CDH18: variants seen among roughly 807,000 people sequenced by gnomAD.
CDH18 encodes cadherin-18.
In CDH18, 31 loss-of-function variants were observed where a neutral mutation model predicts 67.9. That is an observed-to-expected ratio of 0.46 (90% CI 0.34 to 0.62). The LOEUF (loss-of-function observed/expected upper bound fraction) is 0.62. CDH18 is among the 20% of genes least tolerant of loss of function. The pLI, the probability that CDH18 is intolerant of heterozygous loss-of-function variation, is 0.01. For synonymous variants in CDH18, 362 were observed against 347.2 expected (o/e 1.04, Z -0.48); for missense variants, 890 against 975.5 (o/e 0.91, Z 1.17).
intron 2 of CDH18, among the ~76,000 whole-genome samples, chr5:19,927,627 A>T (rs1205336471): frequency 1.3e-5 from 2 of 152,170 alleles, no homozygotes; most frequent in Non-Finnish European, 2.9e-5. Flanking sequence ...TAGCAAAATG[A>T]TATTTTTATG....
chr5:20,506,410 G>A (rs528934802), intron 1 of CDH18, among the ~76,000 whole-genome samples: 1 of 152,302 alleles, frequency 6.6e-6, no homozygotes, highest in Non-Finnish European at 1.5e-5. Flanking sequence ...GATTACAATA[G>A]GGAACCTCAA....
At chr5:20,000,819 G>C (rs13175693) in intron 2 of CDH18, among the ~76,000 whole-genome samples, 117 of 152,046 alleles carry the variant, frequency 7.7e-4, no homozygotes, top group Non-Finnish European at 1.3e-3. Flanking sequence ...AAATAGAGGA[G>C]AGAAAAGAAG....
chr5:20,386,468 T>C (rs1744317008), intron 1 of CDH18, among the ~76,000 whole-genome samples: 2 of 152,144 alleles, frequency 1.3e-5, no homozygotes, highest in African/African-American at 2.4e-5. Context: ...TATCTTGCAA[T>C]TGGCTTACAA....
At chr5:20,088,582 T>C (rs575916525) in intron 2 of CDH18, among the ~76,000 whole-genome samples, 1 of 152,170 alleles carries the variant, frequency 6.6e-6, no homozygotes, top group Non-Finnish European at 1.5e-5. Flanking sequence ...ATGGCCAGCA[T>C]ATGGCAGACT....
chr5:20,304,117 C>T (rs1310724012), intron 1 of CDH18: 1 of 1,608,756 alleles, frequency 6.2e-7, no homozygotes, highest in Non-Finnish European at 8.5e-7. Flanking sequence ...CCCGAATCAA[C>T]ATGGTGACTG....
rs373088239 is a variant in CDH18 at position 19,856,771 on chromosome 5, G to T, written c.-256-17529C>A. On this transcript the variant is annotated intron_variant, in intron 2 of 12. Transcript: ENST00000382275. ...CGGGAGAAAACTTCTTCGGGACCTTGATCTTGGACTTCCAGCTTCAAGCAC... is the reference window on the plus strand; with the variant it reads ...CGGGAGAAAACTTCTTCGGGACCTTTATCTTGGACTTCCAGCTTCAAGCAC... 8.5e-5 allele frequency among the ~76,000 whole-genome samples: 13 copies of T among 152,052 alleles called. No individual in the cohort carries two copies. In the East Asian group the frequency reaches 2.1e-3, roughly 25 times the overall value.
At chr5:19,515,345 A>G (rs1018332285) in intron 10 of CDH18, among the ~76,000 whole-genome samples, 2 of 152,192 alleles carry the variant, frequency 1.3e-5, no homozygotes, top group African/African-American at 4.8e-5. Flanking sequence ...TTTTGGTTCC[A>G]TATGAAATTT....
At chr5:20,175,413 T>C (rs1037835244) in intron 2 of CDH18, among the ~76,000 whole-genome samples, 3 of 152,156 alleles carry the variant, frequency 2.0e-5, no homozygotes, top group Non-Finnish European at 2.9e-5. Context: ...TACTGTTACC[T>C]TTCCTTCTAT....
In CDH18 at chr5:20,382,717, G is replaced by A. The variant is rs137870566; in HGVS notation, c.-579-127212C>T. 5.5e-3 allele frequency among the ~76,000 whole-genome samples: 831 copies of A among 152,198 alleles called. 5 individuals are homozygous for A. Among genetic ancestry groups the A allele is most frequent in the South Asian group, 0.027 (128 of 4,824 alleles). On this transcript the variant is annotated intron_variant, in intron 1 of 14. Transcript: ENST00000507958. ...GTGATGTCCCTGAATATTACAAAGA[G>A]GAAGCAATATAAACAGCCACTTCAA...
At chr5:19,773,569 A>G (rs1446307240) in intron 3 of CDH18, among the ~76,000 whole-genome samples, 1 of 152,180 alleles carries the variant, frequency 6.6e-6, no homozygotes. Context: ...ATTTTAGGAC[A>G]TAAGGAAGTA....
chr5:20,313,540 G>C (rs1162064783), intron 1 of CDH18, among the ~76,000 whole-genome samples: 13 of 152,040 alleles, frequency 8.6e-5, no homozygotes, highest in African/African-American at 3.1e-4. Context: ...TTGAAGATTA[G>C]ATTTGTGCTG....
At chr5:19,967,102 A>T (rs1395603773) in intron 2 of CDH18, among the ~76,000 whole-genome samples, 1 of 152,008 alleles carries the variant, frequency 6.6e-6, no homozygotes, top group Non-Finnish European at 1.5e-5. Flanking sequence ...AAAGAAAAAA[A>T]TGTAAAAAAA....
intron 6 of CDH18, among the ~76,000 whole-genome samples, chr5:19,597,320 T>C (rs983524517): frequency 6.6e-6 from 1 of 152,248 alleles, no homozygotes; most frequent in African/African-American, 2.4e-5. Context: ...GCTAGATTCC[T>C]GACCTACAGA....
intron 9 of CDH18, among the ~76,000 whole-genome samples, chr5:19,528,094 A>C (rs772912479): frequency 6.6e-6 from 1 of 151,834 alleles, no homozygotes; most frequent in Non-Finnish European, 1.5e-5. Flanking sequence ...TATGTATTCT[A>C]TTCTTGTGAA....
At chr5:19,680,955 A>G (rs1391560373) in intron 5 of CDH18, among the ~76,000 whole-genome samples, 1 of 152,042 alleles carries the variant, frequency 6.6e-6, no homozygotes, top group East Asian at 1.9e-4. Context: ...ATAAAGACAC[A>G]TTCATGTATA....
chr5:19,603,023 C>T (rs945921349), intron 6 of CDH18, among the ~76,000 whole-genome samples: 6 of 152,056 alleles, frequency 3.9e-5, no homozygotes, highest in Non-Finnish European at 8.8e-5. Context: ...AATTCCGCTT[C>T]TGGATATATA....
chr5:19,780,139 AAG>A (rs2149778593), intron 3 of CDH18, among the ~76,000 whole-genome samples: 1 of 152,248 alleles, frequency 6.6e-6, no homozygotes, highest in South Asian at 2.1e-4. Context: ...CCATCCACAG[AAG>A]AGTGCATAAC....
intron 3 of CDH18, among the ~76,000 whole-genome samples, chr5:19,767,689 T>C (rs1313496211): frequency 6.6e-6 from 1 of 152,094 alleles, no homozygotes; most frequent in Non-Finnish European, 1.5e-5. Flanking sequence ...CTACCAAGTC[T>C]TATAAATCAT....
At chr5:20,174,440 G>T (rs2126661645) in intron 2 of CDH18, among the ~76,000 whole-genome samples, 1 of 152,172 alleles carries the variant, frequency 6.6e-6, no homozygotes, top group South Asian at 2.1e-4. Flanking sequence ...GCAGAAGAAA[G>T]GTAACACAGA....
Sources: allele counts gnomAD v4.1 joint callset (sites outside exome capture counted in the v4.1 genomes callset), GRCh38; gene constraint gnomAD v4.1.1; transcripts MANE v1.5; gene names NCBI Gene and HGNC (gene_info 2026-07-23, HGNC 2026-07-21).